KTN1: variants seen among roughly 807,000 people sequenced by gnomAD.
KTN1 encodes the protein kinectin 1, also known as kinectin.
Under a neutral mutation model 222.5 loss-of-function variants are expected in KTN1, and 130 were observed. That is an observed-to-expected ratio of 0.58 (90% confidence interval 0.51 to 0.68). The LOEUF is 0.68. Among genes scored for constraint, KTN1 ranks in the 30% least tolerant of loss-of-function variants. The probability of loss-of-function intolerance (pLI) is 0.00; values close to 1 mark genes in which losing one functional copy is unlikely to be tolerated. For synonymous variants in KTN1, 512 were observed against 496.3 expected, an observed-to-expected ratio of 1.03 and a Z score of -0.42; for missense variants, 1,508 against 1,500.4, an observed-to-expected ratio of 1.01 and a Z score of -0.08.
At chr14:55,626,372 G>T (rs2140863848) in intron 5 of KTN1, among the ~76,000 whole-genome samples, 1 of 152,104 alleles carries the variant, frequency 6.6e-6, no homozygotes, top group Middle Eastern at 3.4e-3. Flanking sequence ...TGTTGCTTTT[G>T]CTTCCACTTT....
intron 35 of KTN1, 127 bp downstream of exon 35, chr14:55,670,936 G>A: frequency 5.4e-6 from 3 of 554,398 alleles, no homozygotes; most frequent in Non-Finnish European, 6.3e-6. Flanking sequence ...AGTGTAAGAA[G>A]GTGATTTCAT....
At chr14:55,642,248 A>G (rs552194665) in intron 18 of KTN1, among the ~76,000 whole-genome samples, 3 of 152,306 alleles carry the variant, frequency 2.0e-5, no homozygotes, top group East Asian at 1.9e-4. Flanking sequence ...GGAGAAGCTT[A>G]TGTATGGTGC....
At chr14:55,655,957 A>G in intron 28 of KTN1, 85 bp from the exon 29 acceptor site, 1 of 692,462 alleles carries the variant, frequency 1.4e-6, no homozygotes, top group Non-Finnish European at 2.4e-6. Context: ...TGTTTCTGCC[A>G]TCTTTTTTCT....
chr14:55,590,489 TTTTA>T (rs1180603477), intron 1 of KTN1, among the ~76,000 whole-genome samples: 1 of 152,120 alleles, frequency 6.6e-6, no homozygotes, highest in Non-Finnish European at 1.5e-5. Flanking sequence ...ACATAATCCT[TTTTA>T]TTTCTTTATG....
At chr14:55,655,828 G>T (rs895288440) in intron 28 of KTN1, among the ~76,000 whole-genome samples, 1 of 152,100 alleles carries the variant, frequency 6.6e-6, no homozygotes, top group Non-Finnish European at 1.5e-5. Context: ...TTTCTTCCTA[G>T]ATAAAGCCAC....
intron 5 of KTN1, among the ~76,000 whole-genome samples, chr14:55,624,601 T>C (rs2039563359): frequency 6.6e-6 from 1 of 152,188 alleles, no homozygotes; most frequent in African/African-American, 2.4e-5. Context: ...GATAATCCAC[T>C]ATCAACAGTA....
chr14:55,651,774 G>T, intron 24 of KTN1, 116 bp from the exon 25 acceptor site: 1 of 658,192 alleles, frequency 1.5e-6, no homozygotes. Flanking sequence ...ATTTTGTCAT[G>T]AAAAATTCAG....
chr14:55,658,184 A>T (rs937036035), intron 29 of KTN1, among the ~76,000 whole-genome samples: 3 of 152,070 alleles, frequency 2.0e-5, no homozygotes, highest in African/African-American at 7.2e-5. Flanking sequence ...GGTGCCATGG[A>T]TGCTTCTAAA....
chr14:55,636,815 CTCTTTGGT>C (rs1483334910), intron 10 of KTN1, among the ~76,000 whole-genome samples: 2 of 151,142 alleles, frequency 1.3e-5, no homozygotes. Flanking sequence ...TGTAGTTATT[CTCTTTGGT>C]TCTTTGGTTA....
At chr14:55,613,147 G>A (rs12891489) in intron 2 of KTN1, among the ~76,000 whole-genome samples, 79,473 of 152,108 alleles carry the variant, frequency 0.52, 23,836 homozygotes, top group Non-Finnish European at 0.68. Flanking sequence ...TGAATAGTGC[G>A]TTTTCGAGGT....
intron 40 of KTN1, chr14:55,674,382 T>G (rs1420483150): frequency 6.6e-6 from 1 of 152,076 alleles, no homozygotes; most frequent in Admixed American, 6.6e-5. Flanking sequence ...TTAAAAAGTT[T>G]AGGATTTTGG....
chr14:55,661,671 G>A, intron 32 of KTN1, 59 bp downstream of exon 32: 1 of 829,610 alleles, frequency 1.2e-6, no homozygotes, highest in Admixed American at 2.6e-5. Flanking sequence ...ACTGAAATAT[G>A]GTTCAGGAAT....
intron 1 of KTN1, among the ~76,000 whole-genome samples, chr14:55,584,059 C>T (rs1273696900): frequency 6.6e-6 from 1 of 152,188 alleles, no homozygotes; most frequent in African/African-American, 2.4e-5. Context: ...TGCCTCTGCC[C>T]TAACTCCCTG....
At chr14:55,659,632 T>G in intron 30 of KTN1, 34 bp from the exon 31 acceptor site, 1 of 1,340,618 alleles carries the variant, frequency 7.5e-7, no homozygotes, top group Non-Finnish European at 1.1e-6. Context: ...CCTGAAAAGT[T>G]TTGTTCTGAA....
intron 1 of KTN1, among the ~76,000 whole-genome samples, chr14:55,606,070 GT>G (rs979138610): frequency 6.6e-6 from 1 of 151,980 alleles, no homozygotes; most frequent in Non-Finnish European, 1.5e-5. Context: ...ATTACAGATA[GT>G]TTTTTTTGTT....
At chr14:55,645,198 A>C (rs1054995341) in intron 18 of KTN1, among the ~76,000 whole-genome samples, 6 of 152,224 alleles carry the variant, frequency 3.9e-5, no homozygotes, top group Admixed American at 3.9e-4. Context: ...CAAAGAGCTA[A>C]GAGACAGTCC....
chr14:55,591,581 CTTTTTT>C (rs71131297), intron 1 of KTN1, among the ~76,000 whole-genome samples: 5 of 87,712 alleles, frequency 5.7e-5, no homozygotes, highest in East Asian at 4.1e-4. Flanking sequence ...TTCTCTCTTT[CTTTTTT>C]TTTTTTTTTT....
At chr14:55,615,493 C>CTGCCATATT (rs2038218401) in intron 2 of KTN1, among the ~76,000 whole-genome samples, 1 of 151,834 alleles carries the variant, frequency 6.6e-6, no homozygotes. Flanking sequence ...CTTTTTGTCA[C>CTGCCATATT]TGCCATATTT....
At position 55,680,599 on chromosome 14, in the gene KTN1, C is replaced by T. The variant is rs375898974; in HGVS notation, c.4069+914C>T. ...CCTGATAATACTGTGTTGGGCTATA[C>T]AAGGCCTCAGGGAGAGCTTAGGTAT... is the stretch of plus-strand genomic sequence containing the variant. On this transcript the variant is annotated intron_variant, in intron 43 of 43. Transcript: ENST00000395314. 53 of 662,242 alleles carry T rather than the reference C, an allele frequency of 8.0e-5. No individual in the cohort carries two copies. In the African/African-American group the frequency reaches 8.8e-4, roughly 11 times the overall value. 41.0% of individuals were successfully genotyped at this position (662,242 alleles called of 1,614,324 possible). A position where few individuals can be genotyped will look rare whatever the true frequency, so the allele number is the denominator to read the frequency against.
Sources: allele counts gnomAD v4.1 joint callset (sites outside exome capture counted in the v4.1 genomes callset), GRCh38; gene constraint gnomAD v4.1.1; transcripts MANE v1.5; gene names NCBI Gene and HGNC (gene_info 2026-07-23, HGNC 2026-07-21).